CACNA1D: variants seen among roughly 807,000 people sequenced by gnomAD.
The protein encoded by CACNA1D is voltage-dependent L-type calcium channel subunit alpha-1D.
In CACNA1D, 55 loss-of-function variants were observed where a neutral mutation model predicts 257.1. The ratio of observed to expected loss-of-function variants is 0.21; its 90% CI spans 0.17 to 0.27. CACNA1D has a LOEUF of 0.27. Ranked by LOEUF, CACNA1D falls within the 10% of genes least tolerant of loss-of-function variation. The probability of loss-of-function intolerance (pLI) is 1.00; values close to 1 mark genes in which losing one functional copy is unlikely to be tolerated. For missense variants in CACNA1D, 1,876 were observed against 2,784.0 expected (o/e 0.67, Z 7.34); for synonymous variants, 980 against 1,014.9 (o/e 0.97, Z 0.65).
chr3:53,796,430 G>T lies in CACNA1D; in HGVS notation c.4924-3819G>T, dbSNP rs1410343772. ...GTCCAGGGCGGGGCTCTGGGCACTT[G>T]TGCATGCTTGCTGTGGCGCTGTGAG... On this transcript the variant is annotated intron_variant, in intron 40 of 47. Coordinates refer to ENST00000350061, the MANE Select transcript of CACNA1D (RefSeq NM_001128840.3). 25 of 455,646 alleles carry T rather than the reference G, an allele frequency of 5.5e-5. No homozygotes were observed. The Admixed American group carries it at 5.9e-4, about 11-fold the overall frequency. 28.2% of individuals were successfully genotyped at this position (455,646 alleles called of 1,614,324 possible). A position where few individuals can be genotyped will look rare whatever the true frequency, so the allele number is the denominator to read the frequency against.
intron 3 of CACNA1D, among the ~76,000 whole-genome samples, chr3:53,544,464 A>G (rs1023560227): frequency 2.6e-5 from 4 of 152,194 alleles, no homozygotes; most frequent in African/African-American, 9.6e-5. Context: ...GAAAACCTGC[A>G]AATCTCAGGG....
chr3:53,790,562 A>G (rs2095478133), intron 40 of CACNA1D, among the ~76,000 whole-genome samples: 1 of 152,244 alleles, frequency 6.6e-6, no homozygotes, highest in Non-Finnish European at 1.5e-5. Flanking sequence ...GTTTGGTTTA[A>G]GGAGGAGACC....
intron 3 of CACNA1D, among the ~76,000 whole-genome samples, chr3:53,640,853 G>T (rs2093942107): frequency 6.6e-6 from 1 of 152,156 alleles, no homozygotes; most frequent in African/African-American, 2.4e-5. Flanking sequence ...TGACCAGTGG[G>T]AATGTCTGTT....
intron 29 of CACNA1D, among the ~76,000 whole-genome samples, chr3:53,761,341 A>AC (rs1270897050): frequency 2.1e-4 from 32 of 152,148 alleles, no homozygotes; most frequent in African/African-American, 7.2e-4. Flanking sequence ...ACTAAGCACC[A>AC]CCCCCATGAC....
intron 3 of CACNA1D, among the ~76,000 whole-genome samples, chr3:53,575,628 G>T (rs1468890471): frequency 6.6e-6 from 1 of 152,172 alleles, no homozygotes; most frequent in East Asian, 1.9e-4. Context: ...GGTAAGGAAG[G>T]CATAAACTAA....
At chr3:53,504,550 T>C (rs2090745763) in intron 3 of CACNA1D, among the ~76,000 whole-genome samples, 1 of 152,184 alleles carries the variant, frequency 6.6e-6, no homozygotes, top group Admixed American at 6.5e-5. Context: ...CAGCTTTCGT[T>C]TATGGACTTG....
intron 2 of CACNA1D, among the ~76,000 whole-genome samples, chr3:53,499,090 G>A (rs145163338): frequency 6.1e-4 from 93 of 152,276 alleles, no homozygotes; most frequent in South Asian, 1.5e-3. Flanking sequence ...CTACTTTTGT[G>A]TGGAGTAGGT....
chr3:53,512,520 C>A (rs572979760), intron 3 of CACNA1D, among the ~76,000 whole-genome samples: 1 of 152,136 alleles, frequency 6.6e-6, no homozygotes, highest in Non-Finnish European at 1.5e-5. Context: ...CATCAGAAAC[C>A]TCCATATGGG....
At chr3:53,517,723 C>G (rs2091399902) in intron 3 of CACNA1D, among the ~76,000 whole-genome samples, 1 of 152,084 alleles carries the variant, frequency 6.6e-6, no homozygotes, top group African/African-American at 2.4e-5. Context: ...ACCTTGTGAT[C>G]CACCCATCTC....
chr3:53,609,083 G>C (rs148508009), intron 3 of CACNA1D, among the ~76,000 whole-genome samples: 2 of 152,258 alleles, frequency 1.3e-5, no homozygotes, highest in Non-Finnish European at 2.9e-5. Context: ...ATGGAGTCTG[G>C]AGTTCTCTTT....
intron 3 of CACNA1D, among the ~76,000 whole-genome samples, chr3:53,623,965 G>A (rs3774481): frequency 0.54 from 82,400 of 152,078 alleles, 24,132 homozygotes; most frequent in African/African-American, 0.78. Flanking sequence ...AAAATATACA[G>A]AGTTCTGGCT....
chr3:53,651,741 G>A (rs910875426), intron 4 of CACNA1D, among the ~76,000 whole-genome samples: 4 of 152,232 alleles, frequency 2.6e-5, no homozygotes, highest in Non-Finnish European at 5.9e-5. Context: ...TAGCTGTAAA[G>A]TGAGTTGCTC....
chr3:53,597,527 C>T (rs2093385435), intron 3 of CACNA1D, among the ~76,000 whole-genome samples: 1 of 152,186 alleles, frequency 6.6e-6, no homozygotes, highest in Non-Finnish European at 1.5e-5. Flanking sequence ...TTTGGATTCC[C>T]CCACTTTACT....
intron 45 of CACNA1D, among the ~76,000 whole-genome samples, chr3:53,805,917 GCTCCCTCATCTTCCCTCCTCCTC>G (rs2095561677): frequency 1.3e-3 from 14 of 11,092 alleles, no homozygotes; most frequent in East Asian, 3.7e-3. Flanking sequence ...ATCTTCTCCT[GCTCCCTCATCTTCCCTCCTCCTC>G]CTCCCTCATC....
Position 53,747,427 on chromosome 3 carries a change from C to G in CACNA1D, c.3293C>G (p.Ser1098Cys). ...GCTATGATGGCGCTCTTCACAGTCT[C>G]CACGTTTGAGGGCTGGCCTGCGTAA... ...LSAMMALFTV[S>C]TFEGWPALLY... Residue 1098 changes from serine to cysteine, a missense_variant, in exon 26 of 48, where the codon TCC becomes TGC. Coordinates refer to ENST00000350061, the MANE Select transcript of CACNA1D (RefSeq NM_001128840.3). 3.7e-6 allele frequency: 6 copies of G among 1,614,280 alleles called. No homozygotes were observed. Among genetic ancestry groups the G allele is most frequent in the Non-Finnish European group, 5.1e-6 (6 of 1,180,048 alleles).
At chr3:53,747,574 T>C in intron 26 of CACNA1D, 126 bp downstream of exon 26, 1 of 941,776 alleles carries the variant, frequency 1.1e-6, no homozygotes, top group Non-Finnish European at 1.7e-6. Flanking sequence ...CTTTTTAACC[T>C]TGGGCCACTT....
intron 8 of CACNA1D, among the ~76,000 whole-genome samples, chr3:53,687,518 TAAAA>T (rs11297779): frequency 1.4e-5 from 2 of 147,956 alleles, no homozygotes; most frequent in African/African-American, 4.9e-5. Flanking sequence ...TCTTTTTAGT[TAAAA>T]AAAAAAAAAT....
chr3:53,662,708 G>A (rs779081063), intron 5 of CACNA1D, among the ~76,000 whole-genome samples: 4 of 152,140 alleles, frequency 2.6e-5, no homozygotes, highest in Non-Finnish European at 4.4e-5. Flanking sequence ...GAGATCTACC[G>A]TACATGTTGA....
chr3:53,627,992 C>T (rs2093778989), intron 3 of CACNA1D, among the ~76,000 whole-genome samples: 1 of 151,994 alleles, frequency 6.6e-6, no homozygotes, highest in African/African-American at 2.4e-5. Flanking sequence ...TGCATTCCAG[C>T]CTGGGTGACA....
Sources: allele counts gnomAD v4.1 joint callset (sites outside exome capture counted in the v4.1 genomes callset), GRCh38; gene constraint gnomAD v4.1.1; transcripts MANE v1.5; gene names NCBI Gene and HGNC (gene_info 2026-07-23, HGNC 2026-07-21).